ENOX2: variants seen among roughly 807,000 people sequenced by gnomAD.
ENOX2 encodes APK1 antigen.
ENOX2 carries 36 observed loss-of-function variants against 45.0 expected under a neutral mutation model. The ratio of observed to expected loss-of-function variants is 0.80; its 90% CI spans 0.61 to 1.06. The LOEUF is 1.06. Among genes scored for constraint, ENOX2 ranks in the 50% least tolerant of loss-of-function variants. The pLI is 0.00. For synonymous variants in ENOX2, 174 were observed against 152.3 expected (o/e 1.14, Z -1.05); for missense variants, 423 against 462.5 (o/e 0.91, Z 0.78).
intron 2 of ENOX2, among the ~76,000 whole-genome samples, chrX:130,837,276 C>T (rs972147447): frequency 1.8e-5 from 2 of 111,808 alleles, no homozygotes; most frequent in Non-Finnish European, 3.8e-5. Context: ...TGGCCCAGTG[C>T]ATTAACTTAT....
At chrX:130,845,964 C>T (rs1351635375) in intron 2 of ENOX2, among the ~76,000 whole-genome samples, 1 of 112,292 alleles carries the variant, frequency 8.9e-6, no homozygotes, top group Non-Finnish European at 1.9e-5. Flanking sequence ...TATCATAAAA[C>T]TTTGATAGAA....
chrX:130,824,919 A>T (rs773439003), intron 2 of ENOX2, among the ~76,000 whole-genome samples: 1 of 111,597 alleles, frequency 9.0e-6, no homozygotes, highest in South Asian at 3.8e-4. Flanking sequence ...TATCTGTGGA[A>T]GTATAAAGTG....
At chrX:130,731,687 G>A (rs1404388249) in intron 3 of ENOX2, among the ~76,000 whole-genome samples, 2 of 112,034 alleles carry the variant, frequency 1.8e-5, no homozygotes, top group African/African-American at 3.2e-5. Flanking sequence ...TTATCCCTAG[G>A]ATACAAGGAT....
intron 3 of ENOX2, among the ~76,000 whole-genome samples, chrX:130,715,763 T>C (rs1448419909): frequency 1.8e-5 from 2 of 111,640 alleles, no homozygotes; most frequent in East Asian, 2.8e-4. Flanking sequence ...CCAACATTTA[T>C]TACCTGTGTG....
intron 5 of ENOX2, among the ~76,000 whole-genome samples, chrX:130,685,563 A>T (rs1187500965): frequency 8.9e-6 from 1 of 112,492 alleles, no homozygotes. Context: ...GATTACAGAC[A>T]TATGTTGTTA....
chrX:130,686,601 T>C (rs967676435), intron 5 of ENOX2, among the ~76,000 whole-genome samples: 2 of 111,770 alleles, frequency 1.8e-5, no homozygotes, highest in Admixed American at 9.5e-5. Flanking sequence ...TGGGCTGAGA[T>C]GATAAAGGGT....
chrX:130,849,714 A>G (rs1299217767), intron 2 of ENOX2, among the ~76,000 whole-genome samples: 1 of 112,287 alleles, frequency 8.9e-6, no homozygotes, highest in Non-Finnish European at 1.9e-5. Context: ...TAAGAGCATT[A>G]TTAACTATAT....
intron 3 of ENOX2, among the ~76,000 whole-genome samples, chrX:130,720,192 C>T (rs1418697048): frequency 8.9e-6 from 1 of 112,420 alleles, no homozygotes. Flanking sequence ...TTTGTGGCTA[C>T]AAAACAACTG....
chrX:130,779,164 C>T (rs1437653802), intron 3 of ENOX2, among the ~76,000 whole-genome samples: 1 of 112,496 alleles, frequency 8.9e-6, no homozygotes, highest in Non-Finnish European at 1.9e-5. Context: ...CAATCTTCTA[C>T]TCTTTTGCTA....
chrX:130,665,713 T>A lies in ENOX2; in HGVS notation c.944A>T (p.Lys315Met). 2.5e-6 allele frequency: 3 copies of A among 1,203,707 alleles called. No homozygotes were observed. Among genetic ancestry groups the A allele is most frequent in the Non-Finnish European group, 3.4e-6 (3 of 890,844 alleles). Reference sequence around the variant, plus strand: ...TGTGAAGTGGTCCCATGCCTTCTGCTTGGAGGCGGAATGGTACACAGCCAC... The same window carrying A: ...TGTGAAGTGGTCCCATGCCTTCTGCATGGAGGCGGAATGGTACACAGCCAC... ...QIVAVYHSAS[K>M]QKAWDHFTKA... is the part of the protein sequence containing the mutation. Residue 315 changes from lysine to methionine, a missense_variant, in exon 9 of 15, where the codon AAG becomes ATG. By Grantham distance (95) the Lys-to-Met change is moderately conservative. Coordinates refer to ENST00000394363, the MANE Select transcript of ENOX2 (RefSeq NM_006375.4).
chrX:130,812,402 G>C (rs187584173), intron 2 of ENOX2, among the ~76,000 whole-genome samples: 101 of 111,349 alleles, frequency 9.1e-4, no homozygotes, highest in African/African-American at 3.0e-3. Context: ...GGAGAGAGCA[G>C]CATAATATAT....
intron 3 of ENOX2, among the ~76,000 whole-genome samples, chrX:130,707,506 CTA>C (rs1491440491): frequency 8.8e-5 from 4 of 45,571 alleles, no homozygotes; most frequent in East Asian, 1.6e-3. Context: ...ATTTTGAAGA[CTA>C]CACACACACA....
intron 6 of ENOX2, among the ~76,000 whole-genome samples, chrX:130,677,361 G>A (rs1222473487): frequency 1.8e-5 from 2 of 111,783 alleles, no homozygotes; most frequent in Non-Finnish European, 3.8e-5. Flanking sequence ...ATTCATTAAG[G>A]GGAAGAACTA....
chrX:130,705,017 T>C (rs1410829101), intron 3 of ENOX2, among the ~76,000 whole-genome samples: 3 of 112,068 alleles, frequency 2.7e-5, no homozygotes, highest in Non-Finnish European at 5.6e-5. Flanking sequence ...GGGTTGAGAG[T>C]TTACATAGTG....
intron 3 of ENOX2, among the ~76,000 whole-genome samples, chrX:130,745,781 G>T (rs1308538040): frequency 8.9e-6 from 1 of 112,035 alleles, no homozygotes; most frequent in Non-Finnish European, 1.9e-5. Flanking sequence ...GTAAAGCAAT[G>T]CAGTGAATTT....
intron 2 of ENOX2, among the ~76,000 whole-genome samples, chrX:130,856,890 C>A (rs1394091147): frequency 9.0e-6 from 1 of 111,172 alleles, no homozygotes; most frequent in Non-Finnish European, 1.9e-5. Context: ...AAAGAAGAAA[C>A]CCCACAGGAT....
intron 2 of ENOX2, among the ~76,000 whole-genome samples, chrX:130,799,295 C>A (rs1287483523): frequency 1.8e-5 from 2 of 111,823 alleles, no homozygotes; most frequent in African/African-American, 6.5e-5. Context: ...AACTCTTGGA[C>A]TTATATCAGT....
intron 2 of ENOX2, among the ~76,000 whole-genome samples, chrX:130,791,580 T>G (rs1222892054): frequency 8.9e-6 from 1 of 111,933 alleles, no homozygotes; most frequent in Non-Finnish European, 1.9e-5. Context: ...ACTTATGATA[T>G]TTTCAATTTT....
chrX:130,865,796 T>C (rs1387202491), intron 2 of ENOX2, among the ~76,000 whole-genome samples: 1 of 111,561 alleles, frequency 9.0e-6, no homozygotes, highest in African/African-American at 3.3e-5. Flanking sequence ...GATTCTGTTC[T>C]AATAGTCTCC....
Sources: gnomAD v4.1 joint callset for allele counts (sites outside exome capture counted in the v4.1 genomes callset) on GRCh38, gnomAD v4.1.1 for gene constraint, MANE v1.5 for transcripts, NCBI Gene and HGNC (gene_info 2026-07-23, HGNC 2026-07-21) for gene names.